The following SUCLG1 variants were observed in gnomAD, a reference collection of about 807,000 sequenced individuals.
SUCLG1 encodes succinate-CoA ligase GDP/ADP-forming subunit alpha, also known as succinate--CoA ligase [ADP/GDP-forming] subunit alpha, mitochondrial.
SUCLG1 carries 26 observed loss-of-function variants against 37.3 expected under a neutral mutation model. The observed-to-expected ratio is 0.70, with a 90% CI of 0.51 to 0.97. SUCLG1 has a LOEUF of 0.97. Among genes scored for constraint, SUCLG1 ranks in the 50% least tolerant of loss-of-function variants. The pLI is 0.00. For missense variants in SUCLG1, 433 were observed against 432.9 expected (o/e 1.00, Z 0.00); for synonymous variants, 163 against 155.6 (o/e 1.05, Z -0.36).
At chr2:84,452,131 C>A (rs1672951307) in intron 1 of SUCLG1, among the ~76,000 whole-genome samples, 1 of 151,418 alleles carries the variant, frequency 6.6e-6, no homozygotes, top group Admixed American at 6.6e-5. Flanking sequence ...CACAATCTAT[C>A]TGAACTCATA....
At chr2:84,445,579 G>C (rs529301134) in intron 2 of SUCLG1, among the ~76,000 whole-genome samples, 2 of 152,262 alleles carry the variant, frequency 1.3e-5, no homozygotes, top group African/African-American at 4.8e-5. Flanking sequence ...CTCAGTTAAA[G>C]ACAACTTCAC....
At chr2:84,454,933 CCT>C (rs1672995549) in intron 1 of SUCLG1, among the ~76,000 whole-genome samples, 1 of 152,178 alleles carries the variant, frequency 6.6e-6, no homozygotes, top group African/African-American at 2.4e-5. Flanking sequence ...CTTCAACTCA[CCT>C]CTCAAACTGT....
chr2:84,451,403 T>C (rs1315838653), intron 1 of SUCLG1, among the ~76,000 whole-genome samples: 2 of 152,238 alleles, frequency 1.3e-5, no homozygotes, highest in Non-Finnish European at 2.9e-5. Context: ...ATACTTTTTG[T>C]AGGTAAAGTT....
intron 7 of SUCLG1, among the ~76,000 whole-genome samples, chr2:84,428,243 A>G (rs1043399442): frequency 4.0e-5 from 6 of 150,214 alleles, no homozygotes; most frequent in Non-Finnish European, 1.5e-5. Context: ...CCTCCCCACA[A>G]ATGCCCTCAT....
chr2:84,440,899 G>C (rs767783282), intron 5 of SUCLG1, 148 bp downstream of exon 5: 42 of 747,718 alleles, frequency 5.6e-5, no homozygotes, highest in Middle Eastern at 3.7e-4. Flanking sequence ...TCAAGATACA[G>C]AATTGATAGA....
intron 1 of SUCLG1, 147 bp downstream of exon 1, chr2:84,459,026 C>T (rs1225436476): frequency 6.3e-6 from 5 of 788,714 alleles, no homozygotes; most frequent in East Asian, 2.9e-5. Flanking sequence ...CGTAGGGGTC[C>T]CCGACTCGAA....
chr2:84,423,528 T>TTG lies in SUCLG1; in HGVS notation c.*216_*217dup. 1.7e-6 allele frequency: 1 copy of TTG among 603,252 alleles called. No individual in the cohort carries two copies. The highest frequency in any genetic ancestry group is 2.8e-5 in the East Asian group (1 of 35,262). The allele number at this position is 603,252 out of a possible 1,614,324, so 37.4% of individuals were successfully genotyped here. A position where few individuals can be genotyped will look rare whatever the true frequency, so the allele number is the denominator to read the frequency against. On this transcript the variant is annotated 3_prime_UTR_variant, in exon 9 of 9. Transcript: ENST00000393868. ...ACAATAATAAGCCTCCAAAACCATA[T>TTG]TGAAATCAAATAGTAGATTTATTGG...
intron 5 of SUCLG1, among the ~76,000 whole-genome samples, chr2:84,439,644 G>A (rs193057015): frequency 1.2e-4 from 18 of 152,290 alleles, no homozygotes; most frequent in Non-Finnish European, 2.2e-4. Flanking sequence ...CTGCACAGCC[G>A]ACACCCACTG....
chr2:84,443,375 AAT>A lies in SUCLG1; in HGVS notation c.225_226del (p.Leu76GlyfsTer26). 1 of 1,614,144 alleles carries A rather than the reference AAT, an allele frequency of 6.2e-7. No individual in the cohort carries two copies. Among genetic ancestry groups the A allele is most frequent in the Non-Finnish European group, 8.5e-7 (1 of 1,179,998 alleles). Reference sequence around the variant, plus strand: ...TCCAACGAGTTTGGTGCCATATTCCAATGCCTGCTGGCTGTGAAAGGTGCCCT... The same window carrying A: ...TCCAACGAGTTTGGTGCCATATTCCAGCCTGCTGGCTGTGAAAGGTGCCCT... On this transcript the variant is annotated frameshift_variant, in exon 3 of 9. Coordinates refer to ENST00000393868, the MANE Select transcript of SUCLG1 (RefSeq NM_003849.4). LOFTEE classifies it high-confidence loss of function.
chr2:84,430,688 G>C (rs1672601316), intron 7 of SUCLG1, among the ~76,000 whole-genome samples: 2 of 152,014 alleles, frequency 1.3e-5, no homozygotes, highest in African/African-American at 4.8e-5. Context: ...TACATATAGA[G>C]AGAAAGTGAT....
intron 7 of SUCLG1, among the ~76,000 whole-genome samples, chr2:84,430,860 C>A (rs1428576457): frequency 1.3e-5 from 2 of 152,200 alleles, no homozygotes; most frequent in African/African-American, 4.8e-5. Context: ...CACCACACTG[C>A]TTCAGTCACT....
chr2:84,435,720 A>G (rs907584623), intron 5 of SUCLG1, among the ~76,000 whole-genome samples: 1 of 152,238 alleles, frequency 6.6e-6, no homozygotes, highest in Non-Finnish European at 1.5e-5. Context: ...TGCTTAAAAC[A>G]TGGTTGCAAC....
rs1294132850 is a variant in SUCLG1, at chr2:84,431,801, A to G, written c.674-142T>C. 5.9e-6 allele frequency: 5 copies of G among 841,768 alleles called. No homozygotes were observed. In the East Asian group the frequency reaches 1.1e-4, roughly 18 times the overall value. 52.1% of individuals were successfully genotyped at this position (841,768 alleles called of 1,614,324 possible). ...AAATGTATCATTGCTCTTGCATTTA[A>G]TATTTAAAAAATCACAAAATGCTAC... On this transcript the variant is annotated intron_variant, in intron 6 of 8. Transcript: ENST00000393868.
intron 7 of SUCLG1, chr2:84,425,955 T>A: frequency 2.9e-6 from 1 of 339,814 alleles, no homozygotes; most frequent in Non-Finnish European, 5.6e-6. Flanking sequence ...TGGGTTGCTT[T>A]ACTTCAACCT....
rs72937161 is a variant in SUCLG1, at chr2:84,458,789, C to T, written c.97+384G>A. ...CTTCCTCTACCTCTCAACCCAGACC[C>T]TTACCTTCCCCACCAAGTTCACCTT... is the stretch of plus-strand genomic sequence containing the variant. On this transcript the variant is annotated intron_variant, in intron 1 of 8. Coordinates refer to ENST00000393868, the MANE Select transcript of SUCLG1 (RefSeq NM_003849.4). 4.6e-3 allele frequency among the ~76,000 whole-genome samples: 701 copies of T among 152,270 alleles called. 5 individuals are homozygous for T. Among genetic ancestry groups the T allele is most frequent in the African/African-American group, 0.015 (641 of 41,540 alleles).
intron 8 of SUCLG1, among the ~76,000 whole-genome samples, chr2:84,424,686 T>C (rs911977220): frequency 6.6e-6 from 1 of 152,070 alleles, no homozygotes; most frequent in South Asian, 2.1e-4. Context: ...TTGCTTTTTG[T>C]GTGTGTGTGG....
intron 1 of SUCLG1, among the ~76,000 whole-genome samples, chr2:84,450,554 C>T (rs552868556): frequency 6.1e-4 from 93 of 152,238 alleles, no homozygotes; most frequent in African/African-American, 2.2e-3. Flanking sequence ...TTTTGGGCTA[C>T]CTTCTAAATG....
intron 5 of SUCLG1, among the ~76,000 whole-genome samples, chr2:84,440,255 C>T (rs1573368943): frequency 6.6e-6 from 1 of 152,196 alleles, no homozygotes; most frequent in Non-Finnish European, 1.5e-5. Context: ...TGCCTGTAAT[C>T]CCAGCTACTC....
chr2:84,424,763 C>T (rs1672509453), intron 8 of SUCLG1, among the ~76,000 whole-genome samples: 1 of 151,840 alleles, frequency 6.6e-6, no homozygotes. Context: ...AAGAGACAAG[C>T]TGAAAATCAG....
Sources: allele counts gnomAD v4.1 joint callset (sites outside exome capture counted in the v4.1 genomes callset), GRCh38; gene constraint gnomAD v4.1.1; transcripts MANE v1.5; gene names NCBI Gene and HGNC (gene_info 2026-07-23, HGNC 2026-07-21).